PTPRE: variants seen among roughly 807,000 people sequenced by gnomAD.
PTPRE encodes receptor-type tyrosine-protein phosphatase epsilon.
In PTPRE, 51 loss-of-function variants were observed where a neutral mutation model predicts 102.0. The observed-to-expected ratio is 0.50, with a 90% confidence interval of 0.40 to 0.63. The LOEUF (loss-of-function observed/expected upper bound fraction) is 0.63. PTPRE is among the 30% of genes least tolerant of loss of function. PTPRE has a pLI of 0.00. For synonymous variants in PTPRE, 345 were observed against 348.2 expected (o/e 0.99, Z 0.10); for missense variants, 752 against 915.1 (o/e 0.82, Z 2.30).
In PTPRE at chr10:127,944,518, G is replaced by GGATGGATGGATGGGTA. The variant is rs1848493222; in HGVS notation, c.-31+37220_-31+37221insGGGTAGATGGATGGAT. Among the ~76,000 whole-genome samples the GGATGGATGGATGGGTA allele has an allele frequency of 1.4e-5, 2 of 144,054 alleles. No individual in the cohort carries two copies. The highest frequency in any genetic ancestry group is 1.4e-4 in the Admixed American group (2 of 14,572). The allele number at this position is 144,054 out of a possible 152,430, so 94.5% of individuals were successfully genotyped here. A position where few individuals can be genotyped will look rare whatever the true frequency, so the allele number is the denominator to read the frequency against. ...TGGATGGATGGATGGATGGATGGGT[G>GGATGGATGGATGGGTA]GATGGATGGATAAATGGATGGATGG... On this transcript the variant is annotated intron_variant, in intron 1 of 20. Coordinates refer to ENST00000254667, the MANE Select transcript of PTPRE (RefSeq NM_006504.6). This position sits in a 1 kb window ranked among gnomAD's most constrained non-coding sequence, Gnocchi z 4.2.
chr10:127,984,292 G>C (rs1330709113), intron 2 of PTPRE, among the ~76,000 whole-genome samples: 1 of 151,880 alleles, frequency 6.6e-6, no homozygotes, highest in Non-Finnish European at 1.5e-5. Flanking sequence ...TATTGGTCAG[G>C]CTGGTCTCGA....
chr10:127,932,322 G>A (rs1164900919), intron 1 of PTPRE, among the ~76,000 whole-genome samples: 3 of 152,168 alleles, frequency 2.0e-5, no homozygotes, highest in Non-Finnish European at 4.4e-5. Context: ...ATAAATGGAT[G>A]TCCTAAATTT....
intron 1 of PTPRE, among the ~76,000 whole-genome samples, chr10:127,939,741 G>C (rs976514742): frequency 6.6e-6 from 1 of 152,120 alleles, no homozygotes; most frequent in Non-Finnish European, 1.5e-5. Flanking sequence ...GAAGAGATAG[G>C]CTCTGGAAGG....
At chr10:127,980,873 A>T (rs1465061889) in intron 1 of PTPRE, among the ~76,000 whole-genome samples, 1 of 152,216 alleles carries the variant, frequency 6.6e-6, no homozygotes, top group Non-Finnish European at 1.5e-5. Flanking sequence ...ATTTTAGTGG[A>T]AAACATCATG....
At chr10:127,976,823 A>G (rs2135446001) in intron 1 of PTPRE, among the ~76,000 whole-genome samples, 1 of 152,340 alleles carries the variant, frequency 6.6e-6, no homozygotes, top group African/African-American at 2.4e-5. Context: ...AAGGTAAACA[A>G]GGAAGCTGTG....
chr10:128,046,020 C>T (rs73384101), intron 3 of PTPRE, among the ~76,000 whole-genome samples: 19,638 of 152,242 alleles, frequency 0.13, 1,551 homozygotes, highest in East Asian at 0.24. Flanking sequence ...GGGCCACCTC[C>T]GCATCACAGA....
At chr10:128,080,962 C>T (rs1412204014) in intron 20 of PTPRE, among the ~76,000 whole-genome samples, 1 of 152,282 alleles carries the variant, frequency 6.6e-6, no homozygotes, top group East Asian at 1.9e-4. Context: ...TCTGCTTGCC[C>T]TTGTGCCTGC....
At chr10:128,076,831 C>T (rs1427425805) in intron 18 of PTPRE, 103 bp downstream of exon 18, 1 of 1,503,476 alleles carries the variant, frequency 6.7e-7, no homozygotes, top group African/African-American at 1.4e-5. Context: ...TGCACCTGTC[C>T]TGCTCCTTCA....
At chr10:127,931,936 A>T (rs991931508) in intron 1 of PTPRE, among the ~76,000 whole-genome samples, 2 of 152,328 alleles carry the variant, frequency 1.3e-5, no homozygotes, top group Admixed American at 1.3e-4. Context: ...GGATATTTTT[A>T]AAAGACTTTT....
At chr10:128,073,159 T>TCTTGACCTG (rs1850932251) in intron 16 of PTPRE, among the ~76,000 whole-genome samples, 178 bp from the exon 17 acceptor site, 1 of 152,198 alleles carries the variant, frequency 6.6e-6, no homozygotes, top group South Asian at 2.1e-4. Flanking sequence ...TAAGCGAGCT[T>TCTTGACCTG]CTTGACCTGC....
chr10:128,027,820 G>A (rs1330554995), intron 2 of PTPRE, among the ~76,000 whole-genome samples: 1 of 152,212 alleles, frequency 6.6e-6, no homozygotes, highest in East Asian at 1.9e-4. Context: ...AACCGAGAGA[G>A]ACCCCAATCT....
chr10:128,040,989 A>T lies in PTPRE; in HGVS notation c.108A>T (p.Ser36=). The change falls in exon 3 of 21, where the codon TCA becomes TCT. Residue 36 remains serine, a splice_region_variant and synonymous_variant. Transcript: ENST00000254667. ...ACAGCAACGAGACAACCACGACCTCAGGTAAGGACCCCTTTCCCTGGCTGC... is the reference window on the plus strand; with the variant it reads ...ACAGCAACGAGACAACCACGACCTCTGGTAAGGACCCCTTTCCCTGGCTGC... The part of the protein sequence containing the change: ...TADSNETTTT[S]GPPDPGASQP... The T allele has an allele frequency of 6.2e-7, 1 of 1,613,870 alleles. No individual in the cohort carries two copies. The highest frequency in any genetic ancestry group is 8.5e-7 in the Non-Finnish European group (1 of 1,179,862).
intron 3 of PTPRE, among the ~76,000 whole-genome samples, chr10:128,042,220 G>A (rs534944315): frequency 7.2e-5 from 11 of 152,276 alleles, no homozygotes; most frequent in South Asian, 2.1e-4. Flanking sequence ...CAAACTGCCC[G>A]GATGTACCCT....
In PTPRE at chr10:128,049,665, A is replaced by G. The variant is rs146821168; in HGVS notation, c.419A>G (p.Asn140Ser). 2.4e-4 allele frequency: 388 copies of G among 1,613,682 alleles called. 1 individual carries two copies. The African/African-American group carries it at 3.9e-3, about 16-fold the overall frequency. The change falls in exon 6 of 21, where the codon AAC becomes AGC. Residue 140 changes from asparagine (N) to serine (S), a missense_variant and splice_region_variant. By Grantham distance (46) the Asn-to-Ser change is conservative. This residue lies in a region of PTPRE where 636 missense variants were observed against 824.4 expected (regional missense o/e 0.77). Coordinates refer to ENST00000254667, the MANE Select transcript of PTPRE (RefSeq NM_006504.6). ...DDCKQFREEF[N>S]SLPSGHIQGT... ...TGCAAGCAGTTTCGGGAGGAGTTCA[A>G]CGTGAGTGTGGGGAGGGCTCTCTGC...
At position 128,003,330 on chromosome 10, in the gene PTPRE, T is replaced by C. The variant is rs537117336; in HGVS notation, c.-8+21034T>C. On this transcript the variant is annotated intron_variant, in intron 2 of 20. Transcript: ENST00000254667. ...CACACTGGGTGGTTGTCATTTTTTATTTCACTGGGAAAAAAAAATTTAAGT... is the reference window on the plus strand; with the variant it reads ...CACACTGGGTGGTTGTCATTTTTTACTTCACTGGGAAAAAAAAATTTAAGT... 2.2e-4 allele frequency among the ~76,000 whole-genome samples: 34 copies of C among 152,282 alleles called. No individual in the cohort carries two copies. In the South Asian group the frequency reaches 6.0e-3, roughly 27 times the overall value.
intron 6 of PTPRE, among the ~76,000 whole-genome samples, chr10:128,052,545 A>G (rs561727540): frequency 6.6e-6 from 1 of 152,230 alleles, no homozygotes; most frequent in South Asian, 2.1e-4. Flanking sequence ...TGGACATGCA[A>G]CTGAATCCTT....
chr10:127,939,055 G>GA (rs1193434535), intron 1 of PTPRE, among the ~76,000 whole-genome samples: 1 of 152,072 alleles, frequency 6.6e-6, no homozygotes, highest in Non-Finnish European at 1.5e-5. Flanking sequence ...CCCTCCCTTT[G>GA]AAAAAAATTT....
chr10:127,969,866 G>C (rs1013421249), intron 1 of PTPRE, among the ~76,000 whole-genome samples: 15 of 152,222 alleles, frequency 9.9e-5, no homozygotes, highest in Admixed American at 8.5e-4. Flanking sequence ...GGAGGCTGTT[G>C]GTTCTGGAGC....
intron 2 of PTPRE, among the ~76,000 whole-genome samples, chr10:128,026,489 C>T (rs1413191405): frequency 6.6e-6 from 1 of 152,216 alleles, no homozygotes; most frequent in African/African-American, 2.4e-5. Context: ...CATGGCTGGT[C>T]CCCTGCCCAG....
Sources: gnomAD v4.1 joint callset for allele counts (sites outside exome capture counted in the v4.1 genomes callset) on GRCh38, gnomAD v4.1.1 for gene constraint, gnomAD v4.1.1 regional missense constraint, Gnocchi (gnomAD v3.1) non-coding constraint, MANE v1.5 for transcripts, NCBI Gene and HGNC (gene_info 2026-07-23, HGNC 2026-07-21) for gene names.